Variants in SLC14A1 observed in about 807,000 individuals in gnomAD.
SLC14A1 encodes urea transporter 1.
In SLC14A1, 36 loss-of-function variants were observed where a neutral mutation model predicts 39.6. The observed-to-expected ratio is 0.91, with a 90% CI of 0.70 to 1.20. The LOEUF is 1.20. Ranked by LOEUF, SLC14A1 falls within the 50% of genes most tolerant of loss-of-function variation. SLC14A1 has a pLI of 0.00. For missense variants in SLC14A1, 469 were observed against 478.7 expected, an observed-to-expected ratio of 0.98 and a Z score of 0.19; for synonymous variants, 164 against 173.6, an observed-to-expected ratio of 0.94 and a Z score of 0.43.
chr18:45,751,949 A>G lies in SLC14A1; in HGVS notation c.*1998A>G. On this transcript the variant is annotated 3_prime_UTR_variant, in exon 10 of 10. Transcript: ENST00000321925. ...TTGCAGTGCTCAGTGCACAATATAC[A>G]TTTTGCTGAATGAATAAACAGAAAT... 1.0e-6 allele frequency: 1 copy of G among 985,406 alleles called. No individual in the cohort carries two copies. The allele number at this position is 985,406 out of a possible 1,614,324, so 61.0% of individuals were successfully genotyped here.
Position 45,752,318 on chromosome 18 carries a change from C to A in SLC14A1, c.*2367C>A. 1 of 756,930 alleles carries A rather than the reference C, an allele frequency of 1.3e-6. No individual in the cohort carries two copies. The highest frequency in any genetic ancestry group is 1.6e-6 in the Non-Finnish European group (1 of 621,378). 46.9% of individuals were successfully genotyped at this position (756,930 alleles called of 1,614,324 possible). The stretch of plus-strand genomic sequence containing the variant: ...GTCGATCTTCAGAACAGGGATCTAC[C>A]ATGCAGGAGCTTCTTGTGCTCACAC... On this transcript the variant is annotated 3_prime_UTR_variant, in exon 10 of 10. Transcript: ENST00000321925.
chr18:45,748,469 G>A (rs2047615968), intron 9 of SLC14A1, 44 bp downstream of exon 9: 1 of 1,595,250 alleles, frequency 6.3e-7, no homozygotes, highest in Non-Finnish European at 8.6e-7. Context: ...TAATTGACCA[G>A]CTTACAACTA....
At chr18:45,744,561 T>C (rs2047487810) in intron 8 of SLC14A1, among the ~76,000 whole-genome samples, 1 of 152,222 alleles carries the variant, frequency 6.6e-6, no homozygotes, top group Admixed American at 6.5e-5. Flanking sequence ...TTTATTTTTC[T>C]CTCTGGACTC....
At chr18:45,736,799 A>G (rs546257293) in intron 6 of SLC14A1, 151 bp downstream of exon 6, 3 of 739,334 alleles carry the variant, frequency 4.1e-6, no homozygotes, top group Admixed American at 2.0e-5. Context: ...CATTTGTTCT[A>G]CTCCAGAGCA....
chr18:45,729,492 A>G (rs1300301551), intron 2 of SLC14A1: 1 of 152,206 alleles, frequency 6.6e-6, no homozygotes, highest in East Asian at 1.9e-4. Flanking sequence ...TACGTTCCAG[A>G]GACATGTTTC....
In SLC14A1 at chr18:45,751,475, C is replaced by T. The variant is rs2047708367; in HGVS notation, c.*1524C>T. On this transcript the variant is annotated 3_prime_UTR_variant, in exon 10 of 10. Coordinates refer to ENST00000321925, the MANE Select transcript of SLC14A1 (RefSeq NM_015865.7). Reference sequence around the variant, plus strand: ...CGTAAAGTCTCTGTAACCAAACATACTGAAGACAGCAACAGAAGTCACGTT... The same window carrying T: ...CGTAAAGTCTCTGTAACCAAACATATTGAAGACAGCAACAGAAGTCACGTT... The T allele has an allele frequency of 1.0e-6, 1 of 984,738 alleles. No individual in the cohort carries two copies. Among genetic ancestry groups the T allele is most frequent in the South Asian group, 4.7e-5 (1 of 21,266 alleles). 61.0% of individuals were successfully genotyped at this position (984,738 alleles called of 1,614,324 possible). A position where few individuals can be genotyped will look rare whatever the true frequency, so the allele number is the denominator to read the frequency against.
chr18:45,739,942 GTT>G (rs1225528099), intron 8 of SLC14A1: 1 of 482,842 alleles, frequency 2.1e-6, no homozygotes, highest in Non-Finnish European at 3.8e-6. Flanking sequence ...AAAAATCCCA[GTT>G]ATTCTTCAGC....
chr18:45,741,442 T>G (rs1053235390), intron 8 of SLC14A1, among the ~76,000 whole-genome samples: 2 of 152,206 alleles, frequency 1.3e-5, no homozygotes, highest in African/African-American at 4.8e-5. Context: ...CCAAGGTATC[T>G]AAACAGTTAT....
rs759605560 is a variant in SLC14A1 at position 45,730,377 on chromosome 18, A to T, written c.57A>T (p.Glu19Asp). The T allele has an allele frequency of 5.6e-6, 9 of 1,614,142 alleles. No homozygotes were observed. The Admixed American group carries it at 1.5e-4, about 27-fold the overall frequency. ...ACAGCCCCACTATGGTTAGGGGTGA[A>T]AACCAGGTTTCGCCATGTCAAGGGA... ...RVDSPTMVRGENQVSPCQGRR... is the reference protein window; with the variant it reads ...RVDSPTMVRGDNQVSPCQGRR... Residue 19 changes from glutamate to aspartate, a missense_variant, in exon 3 of 10, where the codon GAA becomes GAT. Transcript: ENST00000321925.
chr18:45,735,631 C>T lies in SLC14A1; in HGVS notation c.471-825C>T, dbSNP rs963089308. Among the ~76,000 whole-genome samples, 17 of 152,172 alleles carry T rather than the reference C, an allele frequency of 1.1e-4. 1 individual carries two copies. Among genetic ancestry groups the T allele is most frequent in the Admixed American group, 5.9e-4 (9 of 15,272 alleles). On this transcript the variant is annotated intron_variant, in intron 5 of 9. Coordinates refer to ENST00000321925, the MANE Select transcript of SLC14A1 (RefSeq NM_015865.7). The stretch of plus-strand genomic sequence containing the variant: ...GGGCAGTGTCTGCAGAAGGGATGCC[C>T]ACCCTTACTGTACCCACGGGTGTGT...
intron 8 of SLC14A1, among the ~76,000 whole-genome samples, chr18:45,740,188 C>A (rs1032489851): frequency 6.6e-6 from 1 of 152,190 alleles, no homozygotes; most frequent in Admixed American, 6.5e-5. Context: ...ACTTGTCTTG[C>A]GTTCTTCAAA....
chr18:45,736,382 C>A (rs1193292882), intron 5 of SLC14A1, 74 bp from the exon 6 acceptor site: 2 of 1,468,762 alleles, frequency 1.4e-6, no homozygotes, highest in Non-Finnish European at 1.9e-6. Flanking sequence ...AACAAAGCCC[C>A]TCCAGAGTAT....
At chr18:45,732,753 T>G (rs1470660552) in intron 4 of SLC14A1, among the ~76,000 whole-genome samples, 1 of 152,174 alleles carries the variant, frequency 6.6e-6, no homozygotes, top group Non-Finnish European at 1.5e-5. Context: ...CATCCTTGAG[T>G]GACAGGCCCT....
chr18:45,752,255 G>A lies in SLC14A1; in HGVS notation c.*2304G>A, dbSNP rs889603352. 4 of 985,302 alleles carry A rather than the reference G, an allele frequency of 4.1e-6. No individual in the cohort carries two copies. In the African/African-American group the frequency reaches 7.0e-5, roughly 17 times the overall value. 61.0% of individuals were successfully genotyped at this position (985,302 alleles called of 1,614,324 possible). A position where few individuals can be genotyped will look rare whatever the true frequency, so the allele number is the denominator to read the frequency against. ...TCATCAGCAGTGAAGAATCTAGGCT[G>A]TGGCTGAGAGAACCAGAGGCCTCTA... is the stretch of plus-strand genomic sequence containing the variant. On this transcript the variant is annotated 3_prime_UTR_variant, in exon 10 of 10. Transcript: ENST00000321925.
intron 5 of SLC14A1, 140 bp downstream of exon 5, chr18:45,734,542 C>T: frequency 1.1e-6 from 1 of 928,726 alleles, no homozygotes; most frequent in Non-Finnish European, 1.7e-6. Context: ...GATGGTTGTA[C>T]AACAATGTGA....
At chr18:45,739,362 T>C in intron 7 of SLC14A1, 52 bp downstream of exon 7, 1 of 1,613,228 alleles carries the variant, frequency 6.2e-7, no homozygotes, top group East Asian at 2.2e-5. Context: ...ATCCCATGCA[T>C]TGCCTCAGGC....
rs757922909 is a variant in SLC14A1 at position 45,739,640 on chromosome 18, C to G, written c.924C>G (p.Thr308=). 2 of 1,614,176 alleles carry G rather than the reference C, an allele frequency of 1.2e-6. No individual in the cohort carries two copies. Among genetic ancestry groups the G allele is most frequent in the Non-Finnish European group, 1.7e-6 (2 of 1,180,026 alleles). ...GGMFMALTWQ[T]HLLALGCALF... The stretch of plus-strand genomic sequence containing the variant: ...TGTTCATGGCGCTCACCTGGCAAAC[C>G]CACCTCCTGGCTCTTGGCTGTGGTG... The change falls in exon 8 of 10, where the codon ACC becomes ACG. Residue 308 remains threonine (T), a synonymous_variant. Transcript: ENST00000321925.
At chr18:45,748,907 G>C (rs1312439947) in intron 9 of SLC14A1, among the ~76,000 whole-genome samples, 1 of 152,222 alleles carries the variant, frequency 6.6e-6, no homozygotes, top group African/African-American at 2.4e-5. Flanking sequence ...AGGAGACACA[G>C]TGTCTTTCTG....
rs1360894868 is a variant in SLC14A1, at chr18:45,750,811, A to G, written c.*860A>G. The G allele has an allele frequency of 7.1e-6, 7 of 984,902 alleles. No homozygotes were observed. Among genetic ancestry groups the G allele is most frequent in the Non-Finnish European group, 8.4e-6 (7 of 829,556 alleles). The allele number at this position is 984,902 out of a possible 1,614,324, so 61.0% of individuals were successfully genotyped here. Reference sequence around the variant, plus strand: ...CTTAGGCATTTTTACTTTAACCCCTAAATTGATTTTGTAAATGCCACAAAT... The same window carrying G: ...CTTAGGCATTTTTACTTTAACCCCTGAATTGATTTTGTAAATGCCACAAAT... On this transcript the variant is annotated 3_prime_UTR_variant, in exon 10 of 10. Transcript: ENST00000321925.
Sources: gnomAD v4.1 joint callset for allele counts (sites outside exome capture counted in the v4.1 genomes callset) on GRCh38, gnomAD v4.1.1 for gene constraint, MANE v1.5 for transcripts, NCBI Gene and HGNC (gene_info 2026-07-23, HGNC 2026-07-21) for gene names.